Variants in BRAF observed in about 807,000 individuals in gnomAD.
The protein encoded by BRAF is B-Raf proto-oncogene, serine/threonine kinase.
BRAF carries 16 observed loss-of-function variants against 104.6 expected under a neutral mutation model. The observed-to-expected ratio is 0.15, with a 90% CI of 0.10 to 0.23. The LOEUF (loss-of-function observed/expected upper bound fraction) is 0.23, where lower values mean the gene tolerates loss of function less well. Ranked by LOEUF, BRAF falls within the 10% of genes least tolerant of loss-of-function variation. BRAF has a pLI of 1.00. For missense variants in BRAF, 541 were observed against 937.3 expected (o/e 0.58, Z 5.52); for synonymous variants, 310 against 341.6 (o/e 0.91, Z 1.02).
At chr7:140,879,734 CTT>C (rs111477938) in intron 1 of BRAF, among the ~76,000 whole-genome samples, 30 of 141,674 alleles carry the variant, frequency 2.1e-4, no homozygotes, top group Middle Eastern at 3.7e-3. Context: ...CAATTTCTTT[CTT>C]TTTTTTTTTT....
rs1795558995 is a variant in BRAF at position 140,725,660 on chromosome 7, T to C, written c.*834A>G. 2 of 1,057,488 alleles carry C rather than the reference T, an allele frequency of 1.9e-6. No individual in the cohort carries two copies. The highest frequency in any genetic ancestry group is 2.3e-6 in the Non-Finnish European group (2 of 874,846). The allele number at this position is 1,057,488 out of a possible 1,614,324, so 65.5% of individuals were successfully genotyped here. The stretch of plus-strand genomic sequence containing the variant: ...TGACTGGAAGAGCATAGGAGGAAGA[T>C]ATAAACTGTATTTCCTGAGAATTTG... On this transcript the variant is annotated 3_prime_UTR_variant, in exon 20 of 20. Transcript: ENST00000644969.
intron 1 of BRAF, among the ~76,000 whole-genome samples, chr7:140,906,760 T>C (rs779036336): frequency 6.6e-6 from 1 of 152,228 alleles, no homozygotes; most frequent in Non-Finnish European, 1.5e-5. Context: ...AGAATATATG[T>C]AATTTTCTAT....
intron 14 of BRAF, among the ~76,000 whole-genome samples, chr7:140,763,088 T>A (rs867114626): frequency 2.0e-5 from 3 of 152,218 alleles, no homozygotes; most frequent in Admixed American, 6.5e-5. Context: ...AAAACCGCCA[T>A]TGTCATCATG....
intron 1 of BRAF, among the ~76,000 whole-genome samples, chr7:140,881,279 A>G (rs1194180817): frequency 6.6e-6 from 1 of 152,216 alleles, no homozygotes; most frequent in Admixed American, 6.6e-5. Flanking sequence ...CACCAGCTGC[A>G]TTAGCCTCTA....
chr7:140,862,663 A>C (rs1810543031), intron 1 of BRAF, among the ~76,000 whole-genome samples: 1 of 152,188 alleles, frequency 6.6e-6, no homozygotes, highest in Non-Finnish European at 1.5e-5. Context: ...CAACATTAAA[A>C]GACAATGAAG....
chr7:140,876,963 CTAGAAA>C (rs1236088090), intron 1 of BRAF, among the ~76,000 whole-genome samples: 7 of 151,754 alleles, frequency 4.6e-5, no homozygotes, highest in Non-Finnish European at 8.8e-5. Flanking sequence ...TAGAATTAAA[CTAGAAA>C]TAGAAAGTTA....
chr7:140,718,264 T>C (rs1795180275), downstream of BRAF, among the ~76,000 whole-genome samples: 1 of 151,992 alleles, frequency 6.6e-6, no homozygotes, highest in South Asian at 2.1e-4. Flanking sequence ...CCAGCTTTTT[T>C]TTATTTCTTT....
At chr7:140,906,953 T>G (rs1264035033) in intron 1 of BRAF, among the ~76,000 whole-genome samples, 1 of 152,202 alleles carries the variant, frequency 6.6e-6, no homozygotes, top group East Asian at 1.9e-4. Context: ...TCAACTGGTT[T>G]CTCATTGGAT....
At chr7:140,877,112 A>C (rs966404461) in intron 1 of BRAF, among the ~76,000 whole-genome samples, 4 of 152,144 alleles carry the variant, frequency 2.6e-5, no homozygotes, top group Non-Finnish European at 5.9e-5. Flanking sequence ...AGAATCCAGC[A>C]ATTGTAAAAG....
chr7:140,850,594 G>A (rs1030369926), intron 1 of BRAF, among the ~76,000 whole-genome samples: 20 of 152,040 alleles, frequency 1.3e-4, no homozygotes, highest in African/African-American at 4.6e-4. Context: ...TATATGAAAT[G>A]TACACATATA....
chr7:140,858,291 T>A (rs1475752416), intron 1 of BRAF, among the ~76,000 whole-genome samples: 3 of 152,166 alleles, frequency 2.0e-5, no homozygotes, highest in African/African-American at 7.2e-5. Flanking sequence ...GCAAAACATT[T>A]AAACTGAATC....
In BRAF at chr7:140,724,691, G is replaced by A. The variant is rs1485882065; in HGVS notation, c.*1803C>T. The A allele has an allele frequency of 4.8e-6, 5 of 1,032,668 alleles. No homozygotes were observed. Among genetic ancestry groups the A allele is most frequent in the Non-Finnish European group, 5.8e-6 (5 of 858,660 alleles). 64.0% of individuals were successfully genotyped at this position (1,032,668 alleles called of 1,614,324 possible). The stretch of plus-strand genomic sequence containing the variant: ...TGCAATATAGACAGCAGGGCCTGGA[G>A]TTACAATCTGAAATTTTTAAATAAC... On this transcript the variant is annotated 3_prime_UTR_variant, in exon 20 of 20. Transcript: ENST00000644969.
At position 140,748,159 on chromosome 7, in the gene BRAF, C is replaced by T. The variant is rs968311417; in HGVS notation, c.2112+1128G>A. Among the ~76,000 whole-genome samples, 5 of 152,074 alleles carry T rather than the reference C, an allele frequency of 3.3e-5. 1 individual carries two copies. Among genetic ancestry groups the T allele is most frequent in the South Asian group, 4.1e-4 (2 of 4,824 alleles). ...ATGGTAACTTAAGAGATTATTTCTC[C>T]GATATCACAATAGGTGAAGTGAGAA... On this transcript the variant is annotated intron_variant, in intron 17 of 19. Coordinates refer to ENST00000644969, the MANE Select transcript of BRAF (RefSeq NM_001374258.1).
chr7:140,745,488 T>C (rs367585798), intron 17 of BRAF, among the ~76,000 whole-genome samples: 1 of 152,132 alleles, frequency 6.6e-6, no homozygotes, highest in African/African-American at 2.4e-5. Flanking sequence ...AAGGGAAGTT[T>C]TTCCTGGATG....
intron 14 of BRAF, among the ~76,000 whole-genome samples, chr7:140,762,410 A>G (rs909794669): frequency 1.3e-4 from 20 of 152,232 alleles, no homozygotes; most frequent in Non-Finnish European, 2.8e-4. Context: ...GGACACTTAT[A>G]GCACTAAATG....
rs533989111 is a variant in BRAF, at chr7:140,887,600, A to G, written c.138+36966T>C. On this transcript the variant is annotated intron_variant, in intron 1 of 19. Coordinates refer to ENST00000644969, the MANE Select transcript of BRAF (RefSeq NM_001374258.1). ...TGTGATGGTCAAACAAGTGGTTTAC[A>G]AAATAGGTATGCACATACACCTGAG... Among the ~76,000 whole-genome samples the G allele has an allele frequency of 2.9e-4, 44 of 152,354 alleles. No homozygotes were observed. The South Asian group carries it at 5.2e-3, about 18-fold the overall frequency.
At chr7:140,918,433 G>A (rs1038504924) in intron 1 of BRAF, among the ~76,000 whole-genome samples, 4 of 152,186 alleles carry the variant, frequency 2.6e-5, no homozygotes, top group Admixed American at 2.6e-4. Flanking sequence ...AGCTTTGGCG[G>A]TAATGCTCAC....
Position 140,726,466 on chromosome 7 carries a change from A to G in BRAF, c.*28T>C. The G allele has an allele frequency of 6.5e-7, 1 of 1,536,328 alleles. No homozygotes were observed. Among genetic ancestry groups the G allele is most frequent in the African/African-American group, 1.4e-5 (1 of 73,182 alleles). On this transcript the variant is annotated 3_prime_UTR_variant, in exon 20 of 20. Transcript: ENST00000644969. ...ATTGTACGAACACAAGACTTAAGAA[A>G]TAAGAGCAGATGCTGCCATGATGGT...
At chr7:140,914,297 C>A (rs771656580) in intron 1 of BRAF, among the ~76,000 whole-genome samples, 1 of 152,114 alleles carries the variant, frequency 6.6e-6, no homozygotes, top group Admixed American at 6.5e-5. Flanking sequence ...TCAAGAGATG[C>A]CAGTGAAAGG....
Sources: allele counts gnomAD v4.1 joint callset (sites outside exome capture counted in the v4.1 genomes callset), GRCh38; gene constraint gnomAD v4.1.1; transcripts MANE v1.5; gene names NCBI Gene and HGNC (gene_info 2026-07-23, HGNC 2026-07-21).